Variants in PCCA observed in about 807,000 individuals in gnomAD.
The protein encoded by PCCA is propionyl-CoA carboxylase alpha chain, mitochondrial.
Under a neutral mutation model 101.3 loss-of-function variants are expected in PCCA, and 74 were observed. That is an observed-to-expected ratio of 0.73 (90% CI 0.61 to 0.89). The LOEUF (loss-of-function observed/expected upper bound fraction) is 0.89. Among genes scored for constraint, PCCA ranks in the 40% least tolerant of loss-of-function variants. PCCA has a pLI of 0.00. For synonymous variants in PCCA, 294 were observed against 313.6 expected, an observed-to-expected ratio of 0.94 and a Z score of 0.66; for missense variants, 891 against 907.0, an observed-to-expected ratio of 0.98 and a Z score of 0.23.
At chr13:100,477,113 A>G (rs1184442878) in intron 21 of PCCA, among the ~76,000 whole-genome samples, 3 of 152,166 alleles carry the variant, frequency 2.0e-5, no homozygotes, top group Non-Finnish European at 4.4e-5. Context: ...GTGCATACTA[A>G]TTTACTGGCT....
intron 1 of PCCA, among the ~76,000 whole-genome samples, chr13:100,099,890 TAGGAAATGTC>T (rs1014923508): frequency 1.7e-4 from 26 of 152,246 alleles, no homozygotes; most frequent in Admixed American, 1.4e-3. Flanking sequence ...TCTATATATC[TAGGAAATGTC>T]AGAGCCAAGA....
At chr13:100,125,222 A>G (rs549578495) in intron 4 of PCCA, among the ~76,000 whole-genome samples, 90 of 152,144 alleles carry the variant, frequency 5.9e-4, no homozygotes, top group Non-Finnish European at 1.2e-3. Flanking sequence ...AGTAAAGGAT[A>G]TTTTAAGATG....
chr13:100,116,472 A>G (rs944836525), intron 4 of PCCA, among the ~76,000 whole-genome samples: 4 of 152,320 alleles, frequency 2.6e-5, no homozygotes, highest in African/African-American at 9.6e-5. Flanking sequence ...TGTTTGATAG[A>G]AAAATGTTGG....
At chr13:100,164,398 T>A (rs966239170) in intron 6 of PCCA, among the ~76,000 whole-genome samples, 5 of 151,904 alleles carry the variant, frequency 3.3e-5, no homozygotes, top group African/African-American at 1.2e-4. Context: ...AGTCTTAGAG[T>A]GATAGCAGGT....
At chr13:100,367,251 AC>A (rs2075243887) in intron 18 of PCCA, among the ~76,000 whole-genome samples, 1 of 152,218 alleles carries the variant, frequency 6.6e-6, no homozygotes, top group African/African-American at 2.4e-5. Context: ...GATTTTCTGA[AC>A]CATGTAATAC....
rs201248861 is a variant in PCCA at position 100,172,216 on chromosome 13, AT to A, written c.468+14879del. On this transcript the variant is annotated intron_variant, in intron 6 of 23. Coordinates refer to ENST00000376285, the MANE Select transcript of PCCA (RefSeq NM_000282.4). ...ACCCTGTCTCAAAAAAAAAAAAAAA[AT>A]TTACCTTTCAGTGGAATTATTTATA... 2.5e-3 allele frequency among the ~76,000 whole-genome samples: 376 copies of A among 149,352 alleles called. 4 individuals carry two copies. Among genetic ancestry groups the A allele is most frequent in the African/African-American group, 5.9e-3 (240 of 40,918 alleles).
intron 23 of PCCA, among the ~76,000 whole-genome samples, chr13:100,528,461 G>A (rs1020518718): frequency 6.6e-6 from 1 of 152,260 alleles, no homozygotes; most frequent in African/African-American, 2.4e-5. Context: ...ATGTGGCCAT[G>A]CCTTGGGGAC....
At chr13:100,498,235 CAAAAA>C (rs34099057) in intron 21 of PCCA, among the ~76,000 whole-genome samples, 3 of 127,966 alleles carry the variant, frequency 2.3e-5, no homozygotes, top group South Asian at 2.5e-4. Context: ...GTAGGTTAGC[CAAAAA>C]AAAAAAAAAA....
chr13:100,227,264 G>T (rs970799531), intron 7 of PCCA, among the ~76,000 whole-genome samples: 35 of 152,134 alleles, frequency 2.3e-4, no homozygotes, highest in African/African-American at 7.7e-4. Flanking sequence ...GGCAGGAGCC[G>T]TTGTGCCCAG....
intron 18 of PCCA, among the ~76,000 whole-genome samples, chr13:100,364,780 T>A (rs752573384): frequency 7.2e-5 from 11 of 152,160 alleles, no homozygotes; most frequent in African/African-American, 1.4e-4. Flanking sequence ...GGCTGGGTAC[T>A]GTGACTCACA....
At chr13:100,387,464 A>G (rs1283798653) in intron 19 of PCCA, among the ~76,000 whole-genome samples, 1 of 152,230 alleles carries the variant, frequency 6.6e-6, no homozygotes, top group Non-Finnish European at 1.5e-5. Flanking sequence ...CTAAGACATC[A>G]CAAGGCTATT....
At chr13:100,260,401 T>G (rs71433446) in intron 9 of PCCA, among the ~76,000 whole-genome samples, 116,584 of 132,334 alleles carry the variant, frequency 0.88, 52,682 homozygotes, top group East Asian at 0.99. Context: ...GTGTGTGTTT[T>G]TTTTTTTTTT....
intron 21 of PCCA, among the ~76,000 whole-genome samples, chr13:100,493,781 C>T (rs1457449565): frequency 3.3e-5 from 5 of 152,198 alleles, no homozygotes; most frequent in Non-Finnish European, 5.9e-5. Context: ...AGTCCGTGCC[C>T]GGTGAACACT....
chr13:100,424,478 C>T (rs972735887), intron 19 of PCCA, among the ~76,000 whole-genome samples: 1 of 152,166 alleles, frequency 6.6e-6, no homozygotes, highest in Non-Finnish European at 1.5e-5. Context: ...ATTTGCCCAG[C>T]CCCTCCCTCC....
intron 10 of PCCA, among the ~76,000 whole-genome samples, chr13:100,266,117 C>G (rs974166544): frequency 3.9e-5 from 6 of 152,134 alleles, no homozygotes; most frequent in African/African-American, 1.2e-4. Context: ...TCACTGTATT[C>G]CCCATCTAGC....
At chr13:100,304,566 G>T (rs1053817051) in intron 14 of PCCA, among the ~76,000 whole-genome samples, 1 of 152,176 alleles carries the variant, frequency 6.6e-6, no homozygotes, top group African/African-American at 2.4e-5. Flanking sequence ...TTGTGCTTAG[G>T]GGGAGAGGTG....
At chr13:100,256,314 C>T (rs532286091) in intron 8 of PCCA, among the ~76,000 whole-genome samples, 1 of 152,080 alleles carries the variant, frequency 6.6e-6, no homozygotes, top group South Asian at 2.1e-4. Context: ...CTAAATGGCC[C>T]TTCTGATAAT....
At chr13:100,176,218 G>A (rs1044118803) in intron 6 of PCCA, among the ~76,000 whole-genome samples, 3 of 152,134 alleles carry the variant, frequency 2.0e-5, no homozygotes, top group Non-Finnish European at 4.4e-5. Context: ...TGTTGTTGGG[G>A]ATAGAGACAG....
intron 18 of PCCA, among the ~76,000 whole-genome samples, chr13:100,347,858 C>T (rs2072518067): frequency 6.6e-6 from 1 of 152,116 alleles, no homozygotes; most frequent in East Asian, 1.9e-4. Context: ...GGTACTATCA[C>T]TTATTTAGTA....
Sources: allele counts gnomAD v4.1 joint callset (sites outside exome capture counted in the v4.1 genomes callset), GRCh38; gene constraint gnomAD v4.1.1; transcripts MANE v1.5; gene names NCBI Gene and HGNC (gene_info 2026-07-23, HGNC 2026-07-21).